NKAIN2: variants seen among roughly 807,000 people sequenced by gnomAD.
The protein encoded by NKAIN2 is sodium/potassium transporting ATPase interacting 2, also known as sodium/potassium-transporting ATPase subunit beta-1-interacting protein 2.
NKAIN2 carries 14 observed loss-of-function variants against 32.6 expected under a neutral mutation model. The observed-to-expected ratio is 0.43, with a 90% CI of 0.28 to 0.67. The LOEUF is 0.67. NKAIN2 is among the 30% of genes least tolerant of loss of function. The pLI, the probability that NKAIN2 is intolerant of heterozygous loss-of-function variation, is 0.17. For missense variants in NKAIN2, 198 were observed against 258.3 expected, an observed-to-expected ratio of 0.77 and a Z score of 1.60; for synonymous variants, 80 against 87.2, an observed-to-expected ratio of 0.92 and a Z score of 0.46.
chr6:124,159,921 T>G (rs564947294), intron 1 of NKAIN2, among the ~76,000 whole-genome samples: 2 of 152,292 alleles, frequency 1.3e-5, no homozygotes, highest in Admixed American at 1.3e-4. Context: ...AGAAAAATAT[T>G]CGATGTTCTA....
At chr6:123,953,995 A>G (rs1777448548) in intron 1 of NKAIN2, among the ~76,000 whole-genome samples, 1 of 152,184 alleles carries the variant, frequency 6.6e-6, no homozygotes, top group African/African-American at 2.4e-5. Flanking sequence ...GTGCTTGAAT[A>G]TGCATAACAG....
At chr6:124,244,293 A>G (rs547097893) in intron 1 of NKAIN2, among the ~76,000 whole-genome samples, 54 of 128,402 alleles carry the variant, frequency 4.2e-4, no homozygotes, top group African/African-American at 1.6e-3. Flanking sequence ...TCCTGTGTCC[A>G]TGTGATCTCA....
chr6:124,590,641 G>C (rs960460271), intron 3 of NKAIN2, among the ~76,000 whole-genome samples: 2 of 152,222 alleles, frequency 1.3e-5, no homozygotes, highest in African/African-American at 4.8e-5. Flanking sequence ...GTAGGAGAGA[G>C]TGAGAAATAA....
At chr6:123,918,384 C>T (rs1480961911) in intron 1 of NKAIN2, among the ~76,000 whole-genome samples, 1 of 152,160 alleles carries the variant, frequency 6.6e-6, no homozygotes, top group Non-Finnish European at 1.5e-5. Context: ...AAAGTATTAT[C>T]CAGTTTAGCA....
chr6:124,326,549 G>C (rs1468834153), intron 2 of NKAIN2, among the ~76,000 whole-genome samples: 2 of 151,990 alleles, frequency 1.3e-5, no homozygotes, highest in Admixed American at 1.3e-4. Context: ...CTTTAGATTT[G>C]CAGTTACAGG....
chr6:124,553,642 T>A (rs115969228), intron 3 of NKAIN2, among the ~76,000 whole-genome samples: 1,806 of 152,276 alleles, frequency 0.012, 37 homozygotes, highest in African/African-American at 0.041. Flanking sequence ...TCTCACTTGG[T>A]CTTCACAGAA....
intron 1 of NKAIN2, among the ~76,000 whole-genome samples, chr6:123,999,970 G>C (rs945469833): frequency 6.6e-6 from 1 of 152,000 alleles, no homozygotes; most frequent in African/African-American, 2.4e-5. Context: ...TGTTAATATA[G>C]TATTTCTTTA....
chr6:124,492,847 A>G (rs972422637), intron 3 of NKAIN2, among the ~76,000 whole-genome samples: 6 of 152,010 alleles, frequency 3.9e-5, no homozygotes, highest in Admixed American at 2.0e-4. Context: ...ACATACTGAA[A>G]ATTTTGCCAC....
intron 1 of NKAIN2, among the ~76,000 whole-genome samples, chr6:123,991,767 C>G (rs1437616249): frequency 6.6e-6 from 1 of 152,036 alleles, no homozygotes; most frequent in Non-Finnish European, 1.5e-5. Context: ...GAGGCTGAGG[C>G]AGGTGAATGG....
At chr6:124,324,348 T>C (rs1410571285) in intron 2 of NKAIN2, among the ~76,000 whole-genome samples, 1 of 151,994 alleles carries the variant, frequency 6.6e-6, no homozygotes, top group African/African-American at 2.4e-5. Context: ...TACCTAAGTA[T>C]CTGAGGCCTT....
chr6:123,887,376 A>G (rs1773774730), intron 1 of NKAIN2, among the ~76,000 whole-genome samples: 1 of 152,068 alleles, frequency 6.6e-6, no homozygotes, highest in African/African-American at 2.4e-5. Context: ...TTATTCACAA[A>G]GTTTCTTTAC....
At chr6:124,327,615 T>C (rs1353562255) in intron 2 of NKAIN2, among the ~76,000 whole-genome samples, 1 of 152,012 alleles carries the variant, frequency 6.6e-6, no homozygotes, top group East Asian at 1.9e-4. Context: ...CTAAACAGAG[T>C]TGTTAGAGAA....
At chr6:124,273,534 C>T (rs1394418899) in intron 1 of NKAIN2, among the ~76,000 whole-genome samples, 1 of 152,120 alleles carries the variant, frequency 6.6e-6, no homozygotes, top group Non-Finnish European at 1.5e-5. Context: ...GACTAATACA[C>T]CATTTCAGAT....
intron 3 of NKAIN2, among the ~76,000 whole-genome samples, chr6:124,535,751 G>C (rs567781502): frequency 6.6e-6 from 1 of 152,242 alleles, no homozygotes; most frequent in Non-Finnish European, 1.5e-5. Context: ...TTCAATTTTT[G>C]CTGAGAGATG....
At chr6:124,151,936 A>G (rs541809863) in intron 1 of NKAIN2, among the ~76,000 whole-genome samples, 1 of 151,930 alleles carries the variant, frequency 6.6e-6, no homozygotes, top group Non-Finnish European at 1.5e-5. Flanking sequence ...TTCGTACACT[A>G]TCTCTTGAAT....
At chr6:124,629,313 A>G (rs1010271484) in intron 3 of NKAIN2, among the ~76,000 whole-genome samples, 1 of 152,130 alleles carries the variant, frequency 6.6e-6, no homozygotes, top group African/African-American at 2.4e-5. Flanking sequence ...CCAAAAACTT[A>G]CTTTTGCAAT....
Position 124,728,915 on chromosome 6 carries a change from G to T in NKAIN2, c.475-62424G>T, listed in dbSNP as rs1197875260. ...CACAGAAATACAAACTACCATCAGA[G>T]AATACTACAAACACCTCTACGCAAA... On this transcript the variant is annotated intron_variant, in intron 4 of 6. Transcript: ENST00000368417. Among the ~76,000 whole-genome samples the T allele has an allele frequency of 8.6e-5, 13 of 150,796 alleles. No individual in the cohort carries two copies. The East Asian group carries it at 2.1e-3, about 25-fold the overall frequency.
chr6:124,385,581 C>A (rs1465714684), intron 3 of NKAIN2, among the ~76,000 whole-genome samples: 1 of 152,144 alleles, frequency 6.6e-6, no homozygotes, highest in Non-Finnish European at 1.5e-5. Context: ...CCACAATGAT[C>A]ATAAATCCTT....
chr6:124,346,056 A>G (rs1583089868), intron 2 of NKAIN2, among the ~76,000 whole-genome samples: 2 of 152,164 alleles, frequency 1.3e-5, no homozygotes, highest in African/African-American at 4.8e-5. Context: ...TTGGTTTCAA[A>G]GAGCATCTTT....
Sources: allele counts gnomAD v4.1 joint callset (sites outside exome capture counted in the v4.1 genomes callset), GRCh38; gene constraint gnomAD v4.1.1; transcripts MANE v1.5; gene names NCBI Gene and HGNC (gene_info 2026-07-23, HGNC 2026-07-21).